Variants in LMO7 observed in about 807,000 individuals in gnomAD.
LMO7 encodes LIM domain 7.
LMO7 carries 120 observed loss-of-function variants against 206.5 expected under a neutral mutation model. That is an observed-to-expected ratio of 0.58 (90% confidence interval 0.50 to 0.68). The LOEUF is 0.68. LMO7 is among the 30% of genes least tolerant of loss of function. LMO7 has a pLI of 0.00. For synonymous variants in LMO7, 706 were observed against 681.5 expected, an observed-to-expected ratio of 1.04 and a Z score of -0.56; for missense variants, 1,959 against 1,957.9, an observed-to-expected ratio of 1.00 and a Z score of -0.01.
intron 1 of LMO7, among the ~76,000 whole-genome samples, chr13:75,695,978 C>G (rs933865179): frequency 2.0e-5 from 3 of 152,230 alleles, no homozygotes; most frequent in African/African-American, 7.2e-5. Flanking sequence ...GCTGTTTAGA[C>G]TGCTGCAGTA....
chr13:75,796,308 G>A (rs534425516), intron 5 of LMO7, among the ~76,000 whole-genome samples: 23 of 152,252 alleles, frequency 1.5e-4, no homozygotes, highest in African/African-American at 5.3e-4. Context: ...CTGTAAGTTC[G>A]ATGAAAAAAC....
chr13:75,842,450 A>AGAG (rs2059626287), intron 24 of LMO7, among the ~76,000 whole-genome samples: 1 of 152,148 alleles, frequency 6.6e-6, no homozygotes, highest in Non-Finnish European at 1.5e-5. Context: ...TACCTGATTT[A>AGAG]AAATACAGGC....
In LMO7 at chr13:75,762,268, C is replaced by G. The variant is rs1243260827; in HGVS notation, c.317+1230C>G. 3.3e-5 allele frequency among the ~76,000 whole-genome samples: 5 copies of G among 152,138 alleles called. No homozygotes were observed. The South Asian group carries it at 8.3e-4, about 25-fold the overall frequency. On this transcript the variant is annotated intron_variant, in intron 4 of 30. Coordinates refer to ENST00000377534, the MANE Select transcript of LMO7 (RefSeq NM_001306080.2). ...GTTTAGAGATTCTAAATTTCATCAC[C>G]AAAGTGAAATGTTTGCTTCTGTAGT...
At chr13:75,735,251 C>T (rs2045694794) in intron 3 of LMO7, among the ~76,000 whole-genome samples, 1 of 151,770 alleles carries the variant, frequency 6.6e-6, no homozygotes, top group Non-Finnish European at 1.5e-5. Context: ...TGTCCCACCC[C>T]CACTCACCCC....
At chr13:75,640,178 A>AAAATCATTTTAAAGGGTT (rs140297870) in intron 1 of LMO7, among the ~76,000 whole-genome samples, 114 of 152,312 alleles carry the variant, frequency 7.5e-4, no homozygotes, top group African/African-American at 2.7e-3. Context: ...TGCAGCAGCT[A>AAAATCATTTTAAAGGGTT]GCATAAGAAT....
At position 75,853,390 on chromosome 13, in the gene LMO7, T is replaced by G. The variant is rs2060649069; in HGVS notation, c.4661+2T>G. 1 of 1,576,744 alleles carries G rather than the reference T, an allele frequency of 6.3e-7. No individual in the cohort carries two copies. Among genetic ancestry groups the G allele is most frequent in the Non-Finnish European group, 8.6e-7 (1 of 1,160,406 alleles). ...GTCAGGCTCTCAGCTGCGTAACAGGTGAGGCCCTTGCTGTTTCTCTTTCTT... is the reference window on the plus strand; with the variant it reads ...GTCAGGCTCTCAGCTGCGTAACAGGGGAGGCCCTTGCTGTTTCTCTTTCTT... On this transcript the variant is annotated splice_donor_variant, in intron 28 of 30. Coordinates refer to ENST00000377534, the MANE Select transcript of LMO7 (RefSeq NM_001306080.2). LOFTEE classifies it high-confidence loss of function.
chr13:75,722,758 C>T (rs1008507112), intron 2 of LMO7, among the ~76,000 whole-genome samples: 1 of 152,150 alleles, frequency 6.6e-6, no homozygotes, highest in Non-Finnish European at 1.5e-5. Context: ...GAATATGGAA[C>T]CAGCCCAAAT....
intron 29 of LMO7, 68 bp from the exon 30 acceptor site, chr13:75,856,438 C>T (rs2060960959): frequency 2.3e-6 from 2 of 888,618 alleles, no homozygotes; most frequent in Non-Finnish European, 3.7e-6. Flanking sequence ...TTCCCCCCCA[C>T]CCCCAGGAGT....
chr13:75,744,230 T>C (rs192222911), intron 3 of LMO7, among the ~76,000 whole-genome samples: 27 of 152,328 alleles, frequency 1.8e-4, no homozygotes, highest in African/African-American at 6.5e-4. Context: ...GGGGTCAACA[T>C]TGTAGTTGTT....
In LMO7 at chr13:75,824,003, T is replaced by A. The variant is rs535976349; in HGVS notation, c.2949+130T>A. On this transcript the variant is annotated intron_variant, in intron 15 of 30. Coordinates refer to ENST00000377534, the MANE Select transcript of LMO7 (RefSeq NM_001306080.2). ...AAAATGTGCAAAATGATATTCTGGT[T>A]TACTTTGAACAGATCTTGGAGGAAG... 22 of 731,392 alleles carry A rather than the reference T, an allele frequency of 3.0e-5. No individual in the cohort carries two copies. The East Asian group carries it at 5.4e-4, about 18-fold the overall frequency. 45.3% of individuals were successfully genotyped at this position (731,392 alleles called of 1,614,324 possible).
intron 1 of LMO7, among the ~76,000 whole-genome samples, chr13:75,682,623 CTTTA>C (rs1022333130): frequency 6.6e-6 from 1 of 152,196 alleles, no homozygotes. Flanking sequence ...CAAAAACAGT[CTTTA>C]TTTATTTATT....
rs778220381 is a variant in LMO7, at chr13:75,841,315, G to T, written c.3675+114G>T. ...CACCTTTGACCATATGTTCACCTGT[G>T]TAGCTCTTTGAAAAATACAATGAGC... On this transcript the variant is annotated intron_variant, in intron 23 of 30. Coordinates refer to ENST00000377534, the MANE Select transcript of LMO7 (RefSeq NM_001306080.2). The T allele has an allele frequency of 1.2e-5, 8 of 686,122 alleles. No homozygotes were observed. In the East Asian group the frequency reaches 2.2e-4, roughly 19 times the overall value. 42.5% of individuals were successfully genotyped at this position (686,122 alleles called of 1,614,324 possible). A position where few individuals can be genotyped will look rare whatever the true frequency, so the allele number is the denominator to read the frequency against.
At chr13:75,687,101 A>G in intron 1 of LMO7, among the ~76,000 whole-genome samples, 1 of 152,180 alleles carries the variant, frequency 6.6e-6, no homozygotes, top group Non-Finnish European at 1.5e-5. Flanking sequence ...TCAGGAAGTG[A>G]GGGGATACAC....
Position 75,713,256 on chromosome 13 carries a change from AG to A in LMO7, c.140+5del, listed in dbSNP as rs761423796. ...AAAATGGTGTTCTGCTGTGTGAGTA[AG>A]TATTTAAAGTATTTAAAAAATAATT... On this transcript the variant is annotated splice_donor_5th_base_variant and intron_variant, in intron 2 of 30. Transcript: ENST00000377534. The A allele has an allele frequency of 1.9e-6, 3 of 1,582,600 alleles. No homozygotes were observed. In the South Asian group the frequency reaches 3.4e-5, roughly 18 times the overall value.
intron 1 of LMO7, among the ~76,000 whole-genome samples, chr13:75,698,507 C>A (rs1715647178): frequency 6.6e-6 from 1 of 151,688 alleles, no homozygotes; most frequent in Non-Finnish European, 1.5e-5. Flanking sequence ...TCAGGCTGAT[C>A]TGGAACTCCT....
chr13:75,842,205 C>T (rs2059607388), intron 24 of LMO7, among the ~76,000 whole-genome samples: 1 of 152,192 alleles, frequency 6.6e-6, no homozygotes, highest in African/African-American at 2.4e-5. Context: ...ATCCAGCATC[C>T]TTGCCAAGGC....
intron 2 of LMO7, among the ~76,000 whole-genome samples, chr13:75,713,557 A>G (rs2043292479): frequency 6.6e-6 from 1 of 152,182 alleles, no homozygotes; most frequent in Non-Finnish European, 1.5e-5. Context: ...GCCTTATGAC[A>G]TGTTACCATT....
At chr13:75,681,989 G>C (rs1456829701) in intron 1 of LMO7, among the ~76,000 whole-genome samples, 2 of 151,662 alleles carry the variant, frequency 1.3e-5, no homozygotes, top group Non-Finnish European at 2.9e-5. Flanking sequence ...TTATTTATCT[G>C]AGTAAATACT....
chr13:75,707,007 A>G (rs2042707033), intron 1 of LMO7, among the ~76,000 whole-genome samples: 1 of 151,988 alleles, frequency 6.6e-6, no homozygotes. Flanking sequence ...TGCATAGATA[A>G]TAAGAAAAAT....
Sources: allele counts gnomAD v4.1 joint callset (sites outside exome capture counted in the v4.1 genomes callset), GRCh38; gene constraint gnomAD v4.1.1; transcripts MANE v1.5; gene names NCBI Gene and HGNC (gene_info 2026-07-23, HGNC 2026-07-21).